Variants in MERTK observed in about 807,000 individuals in gnomAD.
MERTK encodes the protein tyrosine-protein kinase Mer.
MERTK carries 69 observed loss-of-function variants against 99.3 expected under a neutral mutation model. The ratio of observed to expected loss-of-function variants is 0.70; its 90% CI spans 0.57 to 0.85. The LOEUF is 0.85. Among genes scored for constraint, MERTK ranks in the 40% least tolerant of loss-of-function variants. MERTK has a pLI of 0.00. For missense variants in MERTK, 1,125 were observed against 1,249.4 expected, an observed-to-expected ratio of 0.90 and a Z score of 1.50; for synonymous variants, 426 against 467.6, an observed-to-expected ratio of 0.91 and a Z score of 1.15.
chr2:112,029,165 C>A lies in MERTK; in HGVS notation c.*301C>A. ...AGCTTCAGCTGCTCCTTGATATTAA[C>A]ATTTGTACAGAGTTGAAGTTGTTTT... On this transcript the variant is annotated 3_prime_UTR_variant, in exon 19 of 19. Coordinates refer to ENST00000295408, the MANE Select transcript of MERTK (RefSeq NM_006343.3). 4 of 1,057,590 alleles carry A rather than the reference C, an allele frequency of 3.8e-6. No individual in the cohort carries two copies. Among genetic ancestry groups the A allele is most frequent in the Admixed American group, 4.7e-5 (1 of 21,104 alleles). 65.5% of individuals were successfully genotyped at this position (1,057,590 alleles called of 1,614,324 possible).
At chr2:111,963,288 T>C (rs1685288161) in intron 4 of MERTK, among the ~76,000 whole-genome samples, 1 of 152,200 alleles carries the variant, frequency 6.6e-6, no homozygotes, top group Admixed American at 6.5e-5. Context: ...ACGGAGACAT[T>C]CCATTGCCCA....
chr2:111,926,956 C>G (rs1684579521), intron 1 of MERTK, among the ~76,000 whole-genome samples: 1 of 152,194 alleles, frequency 6.6e-6, no homozygotes, highest in South Asian at 2.1e-4. Flanking sequence ...TGTCTGTTGT[C>G]ATCCTGATCT....
At chr2:111,927,515 A>G (rs1014027093) in intron 1 of MERTK, among the ~76,000 whole-genome samples, 2 of 152,148 alleles carry the variant, frequency 1.3e-5, no homozygotes, top group Admixed American at 6.5e-5. Flanking sequence ...ACAAGAAAAA[A>G]TTTTAAACTA....
chr2:111,994,199 A>G, intron 8 of MERTK, 52 bp from the exon 9 acceptor site: 1 of 1,605,822 alleles, frequency 6.2e-7, no homozygotes, highest in Non-Finnish European at 8.5e-7. Context: ...ATGCACCTGC[A>G]GTTTGCCCAG....
chr2:111,948,485 A>C (rs1684998873), intron 4 of MERTK, among the ~76,000 whole-genome samples: 1 of 152,206 alleles, frequency 6.6e-6, no homozygotes, highest in Non-Finnish European at 1.5e-5. Flanking sequence ...TTGCAGGCTC[A>C]TGTATCCAAC....
At chr2:112,022,530 C>G (rs756979210) in intron 18 of MERTK, 136 bp downstream of exon 18, 1 of 1,262,602 alleles carries the variant, frequency 7.9e-7, no homozygotes, top group Non-Finnish European at 1.2e-6. Context: ...AGGGGTGGAA[C>G]CCACAGACAC....
chr2:112,013,454 A>G lies in MERTK; in HGVS notation c.2079+3388A>G, dbSNP rs76255590. The G allele has an allele frequency of 4.0e-3, 625 of 154,470 alleles. 9 individuals carry two copies. Among genetic ancestry groups the G allele is most frequent in the African/African-American group, 0.014 (569 of 41,616 alleles). The allele number at this position is 154,470 out of a possible 1,614,324, so 9.6% of individuals were successfully genotyped here. On this transcript the variant is annotated intron_variant, in intron 15 of 18. Transcript: ENST00000295408. ...ACATTCATCTCTCATTGTTCACTCA[A>G]TGCCTACATTTCTCATGGCCTTCAC...
chr2:111,987,469 G>T (rs952914001), intron 8 of MERTK, among the ~76,000 whole-genome samples: 1 of 152,140 alleles, frequency 6.6e-6, no homozygotes, highest in African/African-American at 2.4e-5. Flanking sequence ...TTGGAGGCAG[G>T]TCTTGCTCGT....
chr2:111,989,501 G>A (rs148976004), intron 8 of MERTK, among the ~76,000 whole-genome samples: 2,605 of 151,894 alleles, frequency 0.017, 67 homozygotes, highest in African/African-American at 0.046. Flanking sequence ...GACTACAGGC[G>A]CCCGCCACCA....
chr2:111,908,870 C>T (rs1684189408), intron 1 of MERTK, among the ~76,000 whole-genome samples: 5 of 152,212 alleles, frequency 3.3e-5, no homozygotes, highest in Admixed American at 2.0e-4. Context: ...CAAAAAGTCT[C>T]ATACCAGCTG....
intron 8 of MERTK, among the ~76,000 whole-genome samples, chr2:111,993,789 G>C (rs1313848057): frequency 6.6e-6 from 1 of 152,154 alleles, no homozygotes; most frequent in Admixed American, 6.5e-5. Context: ...CCTCTTCCAG[G>C]TAGATTTTAG....
intron 4 of MERTK, among the ~76,000 whole-genome samples, chr2:111,964,709 T>A (rs62162474): frequency 0.025 from 3,857 of 152,338 alleles, 82 homozygotes; most frequent in Non-Finnish European, 0.037. Context: ...TCCTTGTGAA[T>A]TGACCAGTTT....
At position 112,028,665 on chromosome 2, in the gene MERTK, G is replaced by T; in HGVS notation, c.2801G>T (p.Gly934Val). Residue 934 changes from glycine (G) to valine (V), a missense_variant, in exon 19 of 19, where the codon GGC (glycine) becomes GTC (valine). Coordinates refer to ENST00000295408, the MANE Select transcript of MERTK (RefSeq NM_006343.3). ...PHEGRYILNG[G>V]SEEWEDLTSA... is the part of the protein sequence containing the mutation. ...GAAGGACGGTACATCCTGAATGGGG[G>T]CAGTGAGGAATGGGAAGATCTGACT... is the stretch of plus-strand genomic sequence containing the variant. 3 of 1,614,174 alleles carry T rather than the reference G, an allele frequency of 1.9e-6. No homozygotes were observed. Among genetic ancestry groups the T allele is most frequent in the Non-Finnish European group, 1.7e-6 (2 of 1,180,032 alleles).
At chr2:111,915,638 G>T (rs544414804) in intron 1 of MERTK, among the ~76,000 whole-genome samples, 8 of 152,208 alleles carry the variant, frequency 5.3e-5, no homozygotes, top group African/African-American at 1.7e-4. Flanking sequence ...GCTGGGCGTG[G>T]TAATCCCAGC....
At chr2:111,899,346 TC>T (rs1202136854) in intron 1 of MERTK, among the ~76,000 whole-genome samples, 1 of 152,130 alleles carries the variant, frequency 6.6e-6, no homozygotes. Flanking sequence ...GGGACGGCAG[TC>T]CTGGCTGCTC....
At position 112,021,556 on chromosome 2, in the gene MERTK, G is replaced by A. The variant is rs773270603; in HGVS notation, c.2324G>A (p.Arg775Gln). The change falls in exon 17 of 19, where the codon CGA (arginine) becomes CAA (glutamine). Residue 775 changes from arginine (R) to glutamine (Q), a missense_variant. Arg to Gln is a conservative substitution (Grantham distance 43, BLOSUM62 1). Transcript: ENST00000295408. ...KWIAIESLAD[R>Q]VYTSKSDVWA... ...ATCGCCATAGAAAGTCTTGCAGACC[G>A]AGTCTACACAAGTAAAAGTGATGTG... 16 of 1,512,598 alleles carry A rather than the reference G, an allele frequency of 1.1e-5. No individual in the cohort carries two copies. The highest frequency in any genetic ancestry group is 1.7e-4 in the Middle Eastern group (1 of 5,718). The allele number at this position is 1,512,598 out of a possible 1,614,324, so 93.7% of individuals were successfully genotyped here.
intron 6 of MERTK, among the ~76,000 whole-genome samples, chr2:111,972,639 C>T (rs899018784): frequency 6.6e-6 from 1 of 152,132 alleles, no homozygotes; most frequent in Non-Finnish European, 1.5e-5. Flanking sequence ...TCTTGTCCCC[C>T]TTGGCTAGCT....
At chr2:112,010,643 T>A (rs1187129805) in intron 15 of MERTK, among the ~76,000 whole-genome samples, 1 of 152,184 alleles carries the variant, frequency 6.6e-6, no homozygotes, top group African/African-American at 2.4e-5. Flanking sequence ...GACGCTTGCC[T>A]TTCTTCAGGG....
At chr2:111,926,982 A>T (rs1206225987) in intron 1 of MERTK, among the ~76,000 whole-genome samples, 1 of 152,184 alleles carries the variant, frequency 6.6e-6, no homozygotes, top group Non-Finnish European at 1.5e-5. Context: ...CCCTAGCATA[A>T]GTGAACACTC....
Sources: gnomAD v4.1 joint callset for allele counts (sites outside exome capture counted in the v4.1 genomes callset) on GRCh38, gnomAD v4.1.1 for gene constraint, MANE v1.5 for transcripts, NCBI Gene and HGNC (gene_info 2026-07-23, HGNC 2026-07-21) for gene names.